The following BCL2L13 variants were observed in gnomAD, a reference collection of about 807,000 sequenced individuals.
The protein encoded by BCL2L13 is bcl-2-like protein 13.
BCL2L13 carries 13 observed loss-of-function variants against 25.8 expected under a neutral mutation model. The observed-to-expected ratio is 0.50, with a 90% CI of 0.33 to 0.80. BCL2L13 has a LOEUF of 0.80. Ranked by LOEUF, BCL2L13 falls within the 30% of genes least tolerant of loss-of-function variation. The probability of loss-of-function intolerance (pLI) is 0.02; values close to 1 mark genes in which losing one functional copy is unlikely to be tolerated. For missense variants in BCL2L13, 504 were observed against 574.9 expected, an observed-to-expected ratio of 0.88 and a Z score of 1.26; for synonymous variants, 244 against 230.3, an observed-to-expected ratio of 1.06 and a Z score of -0.54.
intron 6 of BCL2L13, among the ~76,000 whole-genome samples, chr22:17,715,369 A>G (rs1321310527): frequency 6.7e-6 from 1 of 149,572 alleles, no homozygotes. Flanking sequence ...TTTTGTAGAG[A>G]TAGGATCTCA....
chr22:17,632,752 C>CT (rs67358246), intron 1 of BCL2L13, among the ~76,000 whole-genome samples: 10,275 of 124,300 alleles, frequency 0.083, 484 homozygotes, highest in African/African-American at 0.11. Flanking sequence ...GATTCTTCTT[C>CT]TTTTTTTTTT....
chr22:17,629,384 A>C (rs1426006293), intron 1 of BCL2L13, among the ~76,000 whole-genome samples: 1 of 152,142 alleles, frequency 6.6e-6, no homozygotes, highest in Non-Finnish European at 1.5e-5. Flanking sequence ...GTGGGAAGCT[A>C]TGCTCAACTT....
upstream of BCL2L13, among the ~76,000 whole-genome samples, chr22:17,636,264 C>T (rs142054138): frequency 3.3e-5 from 5 of 149,342 alleles, no homozygotes; most frequent in African/African-American, 1.2e-4. Context: ...GCTGAGGTTG[C>T]AGTGAGCCAA....
At chr22:17,681,097 C>T (rs1019421214) in intron 2 of BCL2L13, among the ~76,000 whole-genome samples, 1 of 152,060 alleles carries the variant, frequency 6.6e-6, no homozygotes, top group Non-Finnish European at 1.5e-5. Flanking sequence ...GATCATTGGC[C>T]CTGCTCATTA....
At chr22:17,662,434 T>G (rs1162857876) in intron 2 of BCL2L13, among the ~76,000 whole-genome samples, 1 of 152,090 alleles carries the variant, frequency 6.6e-6, no homozygotes, top group Non-Finnish European at 1.5e-5. Context: ...GCTGAGATCG[T>G]GCCACTGCAC....
At chr22:17,629,394 TC>T (rs2057956264) in intron 1 of BCL2L13, among the ~76,000 whole-genome samples, 1 of 152,078 alleles carries the variant, frequency 6.6e-6, no homozygotes, top group Non-Finnish European at 1.5e-5. Flanking sequence ...ATGCTCAACT[TC>T]CTTATTAGGG....
At chr22:17,651,751 C>T (rs778197914) in intron 1 of BCL2L13, among the ~76,000 whole-genome samples, 25 of 148,370 alleles carry the variant, frequency 1.7e-4, no homozygotes, top group Non-Finnish European at 2.4e-4. Flanking sequence ...AGTGCAGTGG[C>T]GCGATCTCGG....
intron 1 of BCL2L13, among the ~76,000 whole-genome samples, chr22:17,632,746 C>T (rs944253597): frequency 4.3e-5 from 6 of 139,418 alleles, no homozygotes; most frequent in African/African-American, 1.6e-4. Context: ...CTTTATGATT[C>T]TTCTTCTTTT....
intron 4 of BCL2L13, among the ~76,000 whole-genome samples, chr22:17,691,881 T>C (rs1374945309): frequency 6.6e-6 from 1 of 152,176 alleles, no homozygotes; most frequent in Non-Finnish European, 1.5e-5. Context: ...TAAAGGAGAA[T>C]TGGCTTGGAC....
In BCL2L13 at chr22:17,655,651, T is replaced by C. The variant is rs1416435268; in HGVS notation, c.-50-11T>C. ...AACTTTAAACTGAAAAAATTACTTT[T>C]TTGTTCTTAGGTTTTACACATCCAT... On this transcript the variant is annotated splice_polypyrimidine_tract_variant and intron_variant, in intron 1 of 6. Coordinates refer to ENST00000317582, the MANE Select transcript of BCL2L13 (RefSeq NM_015367.4). The C allele has an allele frequency of 1.9e-6, 3 of 1,551,798 alleles. No individual in the cohort carries two copies.
upstream of BCL2L13, among the ~76,000 whole-genome samples, chr22:17,636,266 G>T (rs2058104305): frequency 6.6e-6 from 1 of 151,206 alleles, no homozygotes; most frequent in Non-Finnish European, 1.5e-5. Context: ...TGAGGTTGCA[G>T]TGAGCCAAGA....
At chr22:17,726,606 C>A in intron 6 of BCL2L13, 71 bp from the exon 7 acceptor site, 1 of 1,512,188 alleles carries the variant, frequency 6.6e-7, no homozygotes, top group Non-Finnish European at 8.9e-7. Flanking sequence ...AAAGAATTTG[C>A]TTTCCAGATT....
intron 6 of BCL2L13, among the ~76,000 whole-genome samples, chr22:17,704,236 C>A (rs1211502395): frequency 6.6e-6 from 1 of 152,046 alleles, no homozygotes; most frequent in Non-Finnish European, 1.5e-5. Context: ...CAGGTGTGTG[C>A]CACCATGACC....
intron 6 of BCL2L13, among the ~76,000 whole-genome samples, chr22:17,714,278 GT>G (rs2060849622): frequency 6.6e-6 from 1 of 151,178 alleles, no homozygotes; most frequent in East Asian, 2.0e-4. Context: ...GGGCAACAGA[GT>G]GAGACTCCGT....
At chr22:17,700,026 G>A (rs1040861400) in intron 5 of BCL2L13, among the ~76,000 whole-genome samples, 1 of 151,982 alleles carries the variant, frequency 6.6e-6, no homozygotes, top group African/African-American at 2.4e-5. Flanking sequence ...GAGGAATGAA[G>A]GGAAAAAAAC....
intron 2 of BCL2L13, among the ~76,000 whole-genome samples, chr22:17,670,608 G>T (rs1001195661): frequency 6.6e-6 from 1 of 151,980 alleles, no homozygotes; most frequent in East Asian, 1.9e-4. Context: ...CCCCGACCTC[G>T]GCTGCTTCGG....
intron 4 of BCL2L13, among the ~76,000 whole-genome samples, chr22:17,693,372 G>GTTTGTTTTTTTTTTTTTTT (rs1284865411): frequency 1.4e-5 from 1 of 70,612 alleles, no homozygotes; most frequent in African/African-American, 5.2e-5. Flanking sequence ...TTTAGTGTTT[G>GTTTGTTTTTTTTTTTTTTT]TTTTTTTTTT....
chr22:17,714,936 T>G (rs181392233), intron 6 of BCL2L13, among the ~76,000 whole-genome samples: 1 of 151,120 alleles, frequency 6.6e-6, no homozygotes, highest in East Asian at 2.0e-4. Flanking sequence ...AGCCCAGAAA[T>G]TTGAGACCAG....
At chr22:17,687,983 A>C (rs1333564853) in intron 3 of BCL2L13, among the ~76,000 whole-genome samples, 1 of 146,978 alleles carries the variant, frequency 6.8e-6, no homozygotes, top group Non-Finnish European at 1.5e-5. Context: ...ACGCCCGGCT[A>C]ATTTTTGTAT....
Sources: gnomAD v4.1 joint callset for allele counts (sites outside exome capture counted in the v4.1 genomes callset) on GRCh38, gnomAD v4.1.1 for gene constraint, MANE v1.5 for transcripts, NCBI Gene and HGNC (gene_info 2026-07-23, HGNC 2026-07-21) for gene names.